The following OPCML variants were observed in gnomAD, a reference collection of about 807,000 sequenced individuals.
OPCML encodes opioid binding protein/cell adhesion molecule like, also known as opioid-binding protein/cell adhesion molecule.
OPCML carries 13 observed loss-of-function variants against 37.8 expected under a neutral mutation model. The observed-to-expected ratio is 0.34, with a 90% CI of 0.22 to 0.55. The LOEUF (loss-of-function observed/expected upper bound fraction) is 0.55, where lower values mean the gene tolerates loss of function less well. Among genes scored for constraint, OPCML ranks in the 20% least tolerant of loss-of-function variants. The pLI is 0.91. For missense variants in OPCML, 341 were observed against 435.6 expected, an observed-to-expected ratio of 0.78 and a Z score of 1.93; for synonymous variants, 176 against 168.8, an observed-to-expected ratio of 1.04 and a Z score of -0.33.
intron 1 of OPCML, among the ~76,000 whole-genome samples, chr11:132,966,709 G>T (rs1339435623): frequency 1.3e-5 from 2 of 151,912 alleles, no homozygotes; most frequent in South Asian, 4.2e-4. Flanking sequence ...ATCAATATTT[G>T]CTTGGTATAT....
At chr11:132,831,668 C>G (rs577910214) in intron 2 of OPCML, among the ~76,000 whole-genome samples, 286 of 152,050 alleles carry the variant, frequency 1.9e-3, no homozygotes, top group African/African-American at 6.6e-3. Context: ...TCACTTGACC[C>G]TCTCTCCTGA....
At chr11:132,634,194 C>T (rs1008098) in intron 3 of OPCML, among the ~76,000 whole-genome samples, 1 of 152,008 alleles carries the variant, frequency 6.6e-6, no homozygotes, top group Non-Finnish European at 1.5e-5. Context: ...AGCCTGGCTT[C>T]CAGGGTGTCT....
At chr11:132,753,451 T>C (rs564689469) in intron 2 of OPCML, among the ~76,000 whole-genome samples, 1 of 152,344 alleles carries the variant, frequency 6.6e-6, no homozygotes, top group African/African-American at 2.4e-5. Context: ...TTAGTGTCCA[T>C]TGTATGCAAG....
At chr11:132,542,809 C>T (rs1009758890) in intron 3 of OPCML, among the ~76,000 whole-genome samples, 3 of 152,174 alleles carry the variant, frequency 2.0e-5, no homozygotes, top group Non-Finnish European at 2.9e-5. Flanking sequence ...GTACACTTCC[C>T]AGTAAATTTC....
intron 2 of OPCML, among the ~76,000 whole-genome samples, chr11:132,725,724 T>C (rs1276595424): frequency 6.8e-6 from 1 of 146,298 alleles, no homozygotes; most frequent in African/African-American, 2.5e-5. Context: ...TCTGCCAGAG[T>C]GAGCCGAGAT....
At chr11:133,432,760 G>T (rs1468965374) in intron 1 of OPCML, among the ~76,000 whole-genome samples, 1 of 152,092 alleles carries the variant, frequency 6.6e-6, no homozygotes, top group Non-Finnish European at 1.5e-5. Context: ...TACAGGTGAA[G>T]GCATACTGGG....
chr11:132,623,193 G>A (rs187176531), intron 3 of OPCML, among the ~76,000 whole-genome samples: 83 of 152,206 alleles, frequency 5.5e-4, no homozygotes, highest in Admixed American at 1.7e-3. Flanking sequence ...GTTTCTGAGC[G>A]GTAAAACCCC....
chr11:133,288,459 G>A (rs2136530413), intron 1 of OPCML, among the ~76,000 whole-genome samples: 1 of 152,318 alleles, frequency 6.6e-6, no homozygotes, highest in East Asian at 1.9e-4. Flanking sequence ...TTCCTCTGAA[G>A]TAGAGTGCTT....
In OPCML at chr11:132,668,989, C is replaced by A. The variant is rs554958701; in HGVS notation, c.147-11670G>T. ...CTTTAACTTTTTATTTTGATCAGGC[C>A]TTTTTCACAGTGTGTTGACACAGTG... On this transcript the variant is annotated intron_variant, in intron 2 of 7. Transcript: ENST00000524381. Among the ~76,000 whole-genome samples the A allele has an allele frequency of 1.6e-3, 249 of 152,006 alleles. 2 individuals are homozygous for A. The South Asian group carries it at 0.018, about 11-fold the overall frequency.
chr11:133,404,829 C>T (rs575676109), intron 1 of OPCML, among the ~76,000 whole-genome samples: 4 of 152,276 alleles, frequency 2.6e-5, no homozygotes, highest in African/African-American at 9.6e-5. Flanking sequence ...AAGGCACAGG[C>T]CCTGCTTTGA....
chr11:133,007,001 A>T, intron 1 of OPCML: 1 of 985,464 alleles, frequency 1.0e-6, no homozygotes, highest in South Asian at 4.7e-5. Context: ...TAAAGCAATC[A>T]TATTCACTTA....
At chr11:133,068,970 G>C (rs1028029866) in intron 1 of OPCML, among the ~76,000 whole-genome samples, 2 of 152,204 alleles carry the variant, frequency 1.3e-5, no homozygotes, top group African/African-American at 2.4e-5. Context: ...AACAGAATCA[G>C]GAGAGAGTTA....
At chr11:133,500,977 G>A (rs527350955) in intron 1 of OPCML, among the ~76,000 whole-genome samples, 4 of 152,048 alleles carry the variant, frequency 2.6e-5, no homozygotes, top group South Asian at 2.1e-4. Flanking sequence ...AGATGGGGGC[G>A]TGGGGCAGGA....
chr11:133,005,410 C>T (rs1356616984), intron 1 of OPCML: 5 of 985,126 alleles, frequency 5.1e-6, no homozygotes, highest in Non-Finnish European at 6.0e-6. Context: ...GCTTTTTCAC[C>T]CTAACACCCA....
intron 4 of OPCML, among the ~76,000 whole-genome samples, chr11:132,447,202 A>T (rs796321492): frequency 3.9e-5 from 6 of 152,348 alleles, no homozygotes; most frequent in African/African-American, 1.4e-4. Flanking sequence ...TTATTCGTAT[A>T]GCAGTGTCAG....
At chr11:132,857,078 T>C (rs980954602) in intron 2 of OPCML, among the ~76,000 whole-genome samples, 2 of 152,222 alleles carry the variant, frequency 1.3e-5, no homozygotes, top group African/African-American at 4.8e-5. Context: ...TGTTAACAAT[T>C]GTACCATTTT....
chr11:133,358,514 A>C (rs1282568024), intron 1 of OPCML, among the ~76,000 whole-genome samples: 1 of 152,208 alleles, frequency 6.6e-6, no homozygotes, highest in Non-Finnish European at 1.5e-5. Context: ...ATATCTATTG[A>C]GCCCCCTTTT....
chr11:133,010,870 T>C (rs959164713), intron 1 of OPCML, among the ~76,000 whole-genome samples: 4 of 152,194 alleles, frequency 2.6e-5, no homozygotes, highest in African/African-American at 9.6e-5. Context: ...ATGAGGAACA[T>C]GAAGCTTAAC....
chr11:132,745,327 T>C (rs764629892), intron 2 of OPCML, among the ~76,000 whole-genome samples: 3 of 152,042 alleles, frequency 2.0e-5, no homozygotes, highest in Non-Finnish European at 4.4e-5. Context: ...GGAGACAAAC[T>C]ATAGTGTACA....
Sources: gnomAD v4.1 joint callset for allele counts (sites outside exome capture counted in the v4.1 genomes callset) on GRCh38, gnomAD v4.1.1 for gene constraint, MANE v1.5 for transcripts, NCBI Gene and HGNC (gene_info 2026-07-23, HGNC 2026-07-21) for gene names.